The following PLCL1 variants were observed in gnomAD, a reference collection of about 807,000 sequenced individuals.
The protein encoded by PLCL1 is inactive phospholipase C-like protein 1.
In PLCL1, 41 loss-of-function variants were observed where a neutral mutation model predicts 84.4. That is an observed-to-expected ratio of 0.49 (90% CI 0.38 to 0.63). The LOEUF (loss-of-function observed/expected upper bound fraction) is 0.63, where lower values mean the gene tolerates loss of function less well. PLCL1 is among the 30% of genes least tolerant of loss of function. The pLI is 0.00. For synonymous variants in PLCL1, 490 were observed against 488.3 expected (o/e 1.00, Z -0.05); for missense variants, 1,206 against 1,367.8 (o/e 0.88, Z 1.87).
chr2:197,885,717 G>A (rs1227049254), intron 1 of PLCL1, among the ~76,000 whole-genome samples: 1 of 152,146 alleles, frequency 6.6e-6, no homozygotes, highest in Non-Finnish European at 1.5e-5. Flanking sequence ...TCATGTCCAA[G>A]ACATCCTTTG....
chr2:197,937,021 C>T (rs1326865319), intron 1 of PLCL1, among the ~76,000 whole-genome samples: 1 of 152,170 alleles, frequency 6.6e-6, no homozygotes, highest in African/African-American at 2.4e-5. Flanking sequence ...TTTCCCAGAA[C>T]TATTTATTGA....
chr2:197,896,228 G>C (rs964519948), intron 1 of PLCL1, among the ~76,000 whole-genome samples: 2 of 151,900 alleles, frequency 1.3e-5, no homozygotes, highest in Non-Finnish European at 1.5e-5. Context: ...ATTCTATCTA[G>C]TGTACAAATT....
chr2:198,137,417 T>C (rs980694497), intron 5 of PLCL1, among the ~76,000 whole-genome samples: 3 of 152,240 alleles, frequency 2.0e-5, no homozygotes, highest in Non-Finnish European at 4.4e-5. Flanking sequence ...CTTTCAGTGT[T>C]TCTTTCAGTA....
intron 1 of PLCL1, among the ~76,000 whole-genome samples, chr2:197,919,179 T>G (rs1688659150): frequency 2.0e-5 from 3 of 152,192 alleles, no homozygotes. Context: ...TAGCTTCTTT[T>G]GCTGGGAGGA....
At chr2:198,125,250 G>T (rs1334603577) in intron 5 of PLCL1, among the ~76,000 whole-genome samples, 1 of 152,074 alleles carries the variant, frequency 6.6e-6, no homozygotes, top group Non-Finnish European at 1.5e-5. Context: ...TGAAGAATGG[G>T]CTGGTTTTAA....
rs142177242 is a variant in PLCL1 at position 197,901,845 on chromosome 2, A to T, written c.240+96506A>T. 9.8e-4 allele frequency among the ~76,000 whole-genome samples: 149 copies of T among 152,292 alleles called. 4 individuals carry two copies. In the East Asian group the frequency reaches 0.026, roughly 26 times the overall value. On this transcript the variant is annotated intron_variant, in intron 1 of 5. Transcript: ENST00000428675. ...AGAGGTTAGGTGCCTTTCCAGCTTG[A>T]TACAAAAAACTAGAATCCAGGTCCT...
At chr2:197,932,886 A>T (rs935134985) in intron 1 of PLCL1, among the ~76,000 whole-genome samples, 2 of 152,022 alleles carry the variant, frequency 1.3e-5, no homozygotes, top group African/African-American at 4.8e-5. Flanking sequence ...AAAAGAGATC[A>T]CCTGAAACTG....
intron 1 of PLCL1, among the ~76,000 whole-genome samples, chr2:197,987,204 C>A (rs953780045): frequency 6.6e-6 from 1 of 152,184 alleles, no homozygotes; most frequent in Non-Finnish European, 1.5e-5. Flanking sequence ...ACTGTTGGAC[C>A]ATAAGTCTCA....
intron 1 of PLCL1, among the ~76,000 whole-genome samples, chr2:197,955,133 A>G (rs952301041): frequency 6.6e-6 from 1 of 151,794 alleles, no homozygotes; most frequent in African/African-American, 2.4e-5. Flanking sequence ...TGTTACCACC[A>G]CTCTTCTAGA....
chr2:197,911,339 A>T (rs558485347), intron 1 of PLCL1, among the ~76,000 whole-genome samples: 2 of 152,118 alleles, frequency 1.3e-5, no homozygotes, highest in Admixed American at 6.5e-5. Context: ...CCTGTCTCAA[A>T]AAATAAATAA....
At chr2:198,051,628 A>T (rs575472386) in intron 1 of PLCL1, among the ~76,000 whole-genome samples, 201 of 152,356 alleles carry the variant, frequency 1.3e-3, no homozygotes, top group African/African-American at 4.2e-3. Context: ...TTTTAGCAGG[A>T]TGCAAAACTT....
At chr2:198,068,329 T>C (rs1483504463) in intron 1 of PLCL1, among the ~76,000 whole-genome samples, 1 of 152,342 alleles carries the variant, frequency 6.6e-6, no homozygotes, top group East Asian at 1.9e-4. Context: ...AGATGAAACA[T>C]TATTTTGAAA....
intron 1 of PLCL1, among the ~76,000 whole-genome samples, chr2:198,078,276 G>C (rs539385539): frequency 6.6e-6 from 1 of 152,252 alleles, no homozygotes; most frequent in East Asian, 1.9e-4. Context: ...TGAAGAATAA[G>C]ACCAGAGGCT....
rs79344890 is a variant in PLCL1, at chr2:197,998,043, G to A, written c.241-85715G>A. Among the ~76,000 whole-genome samples the A allele has an allele frequency of 9.9e-4, 150 of 152,256 alleles. 6 individuals are homozygous for A. In the East Asian group the frequency reaches 0.027, roughly 27 times the overall value. ...ATAAGGCAAATGGAGGAGAAAGCAT[G>A]AGGGCTTAGTGGGTGGGAGTGGTGG... is the stretch of plus-strand genomic sequence containing the variant. On this transcript the variant is annotated intron_variant, in intron 1 of 5. Transcript: ENST00000428675.
chr2:197,840,355 C>T (rs1338996678), intron 1 of PLCL1, among the ~76,000 whole-genome samples: 3 of 151,966 alleles, frequency 2.0e-5, no homozygotes, highest in Admixed American at 2.0e-4. Context: ...ATGCAGATAG[C>T]ATGCCTCTCG....
chr2:198,135,100 A>G (rs1281002686), intron 5 of PLCL1, among the ~76,000 whole-genome samples: 2 of 152,128 alleles, frequency 1.3e-5, no homozygotes, highest in African/African-American at 4.8e-5. Flanking sequence ...CTGTCTCTCA[A>G]GCTGTTATAA....
chr2:197,817,395 C>A (rs1047060432), intron 1 of PLCL1, among the ~76,000 whole-genome samples: 1 of 151,766 alleles, frequency 6.6e-6, no homozygotes, highest in African/African-American at 2.4e-5. Context: ...TGTGTGTATA[C>A]TTACGCCAGG....
At chr2:197,997,068 C>T (rs959246277) in intron 1 of PLCL1, among the ~76,000 whole-genome samples, 10 of 152,266 alleles carry the variant, frequency 6.6e-5, no homozygotes, top group East Asian at 1.9e-4. Context: ...TTTTTAGTGT[C>T]GTTTTCCTGT....
At chr2:198,057,484 G>A (rs1192225718) in intron 1 of PLCL1, among the ~76,000 whole-genome samples, 2 of 152,180 alleles carry the variant, frequency 1.3e-5, no homozygotes, top group Non-Finnish European at 2.9e-5. Context: ...GGTGCAGAGA[G>A]ATGATTTATC....
Sources: gnomAD v4.1 joint callset for allele counts (sites outside exome capture counted in the v4.1 genomes callset) on GRCh38, gnomAD v4.1.1 for gene constraint, MANE v1.5 for transcripts, NCBI Gene and HGNC (gene_info 2026-07-23, HGNC 2026-07-21) for gene names.